The following WDFY2 variants were observed in gnomAD, a reference collection of about 807,000 sequenced individuals.
WDFY2 encodes the protein WD repeat and FYVE domain-containing protein 2.
WDFY2 carries 36 observed loss-of-function variants against 56.4 expected under a neutral mutation model. That is an observed-to-expected ratio of 0.64 (90% CI 0.49 to 0.84). The LOEUF is 0.84. Among genes scored for constraint, WDFY2 ranks in the 40% least tolerant of loss-of-function variants. The pLI is 0.00. For synonymous variants in WDFY2, 176 were observed against 183.7 expected (o/e 0.96, Z 0.34); for missense variants, 444 against 512.2 (o/e 0.87, Z 1.29).
rs79466045 is a variant in WDFY2, at chr13:51,648,444, G to A, written c.138-12152G>A. Among the ~76,000 whole-genome samples, 1,158 of 152,154 alleles carry A rather than the reference G, an allele frequency of 7.6e-3. 13 individuals are homozygous for A. Among genetic ancestry groups the A allele is most frequent in the African/African-American group, 0.026 (1,087 of 41,504 alleles). On this transcript the variant is annotated intron_variant, in intron 1 of 11. Transcript: ENST00000298125. The stretch of plus-strand genomic sequence containing the variant: ...TCACAAACAATGAGCACCACTTTTG[G>A]GCCTGATGTAGTGCTTGACCTTGGG...
At chr13:51,641,354 C>T (rs1212322746) in intron 1 of WDFY2, among the ~76,000 whole-genome samples, 1 of 150,676 alleles carries the variant, frequency 6.6e-6, no homozygotes, top group Non-Finnish European at 1.5e-5. Context: ...CAGGCGTGAG[C>T]CACCGCAGCC....
At position 51,707,844 on chromosome 13, in the gene WDFY2, T is replaced by C. The variant is rs529120768; in HGVS notation, c.334+4194T>C. On this transcript the variant is annotated intron_variant, in intron 4 of 11. Coordinates refer to ENST00000298125, the MANE Select transcript of WDFY2 (RefSeq NM_052950.4). ...GATCAGGAGAAATGGAAGTATACTA[T>C]TGTAGGTTCTAGAATGCTATACACA... 4.0e-5 allele frequency among the ~76,000 whole-genome samples: 6 copies of C among 151,746 alleles called. No homozygotes were observed. In the South Asian group the frequency reaches 1.2e-3, roughly 32 times the overall value.
In WDFY2 at chr13:51,705,674, G is replaced by A. The variant is rs114297444; in HGVS notation, c.334+2024G>A. Among the ~76,000 whole-genome samples, 1,394 of 151,900 alleles carry A rather than the reference G, an allele frequency of 9.2e-3. 18 individuals are homozygous for A. The highest frequency in any genetic ancestry group is 0.032 in the African/African-American group (1,317 of 41,440). ...GAGGCATGAAATACACAATAATCAC[G>A]TAAGGGTAGATGGGGTATCTGTCGC... On this transcript the variant is annotated intron_variant, in intron 4 of 11. Coordinates refer to ENST00000298125, the MANE Select transcript of WDFY2 (RefSeq NM_052950.4).
At chr13:51,680,097 C>T (rs1441332714) in intron 3 of WDFY2, among the ~76,000 whole-genome samples, 4 of 151,776 alleles carry the variant, frequency 2.6e-5, no homozygotes, top group South Asian at 2.1e-4. Context: ...GCTCATTTCA[C>T]GGATGTTTAT....
Position 51,756,237 on chromosome 13 carries a change from A to T in WDFY2, c.934-95A>T, listed in dbSNP as rs540748891. On this transcript the variant is annotated intron_variant, in intron 9 of 11. Transcript: ENST00000298125. Reference sequence around the variant, plus strand: ...TTGTTCAGCATCCTCACCTGGATGCAGTTGATTACACCTCTCTGCCAGGAG... The same window carrying T: ...TTGTTCAGCATCCTCACCTGGATGCTGTTGATTACACCTCTCTGCCAGGAG... 2,391 of 1,506,522 alleles carry T rather than the reference A, an allele frequency of 1.6e-3. 3 individuals carry two copies. Among genetic ancestry groups the T allele is most frequent in the Middle Eastern group, 3.1e-3 (15 of 4,864 alleles). 93.3% of individuals were successfully genotyped at this position (1,506,522 alleles called of 1,614,324 possible).
intron 4 of WDFY2, among the ~76,000 whole-genome samples, chr13:51,705,995 T>C (rs762659110): frequency 1.3e-5 from 2 of 152,230 alleles, no homozygotes; most frequent in Non-Finnish European, 2.9e-5. Flanking sequence ...TGCCATTTCC[T>C]ATGTCTTTGT....
At chr13:51,659,133 G>C (rs1281350287) in intron 1 of WDFY2, among the ~76,000 whole-genome samples, 1 of 151,986 alleles carries the variant, frequency 6.6e-6, no homozygotes, top group Non-Finnish European at 1.5e-5. Flanking sequence ...TGTCATGTTG[G>C]CCAGGCTGGT....
chr13:51,602,157 T>C (rs1954298136), intron 1 of WDFY2, among the ~76,000 whole-genome samples: 1 of 152,222 alleles, frequency 6.6e-6, no homozygotes, highest in African/African-American at 2.4e-5. Context: ...ATTAATGTGT[T>C]GCATAGCAAC....
At chr13:51,656,298 C>G (rs913538797) in intron 1 of WDFY2, among the ~76,000 whole-genome samples, 2 of 151,898 alleles carry the variant, frequency 1.3e-5, no homozygotes, top group Admixed American at 6.6e-5. Context: ...TTAGTAACTT[C>G]TTCCCCAGTT....
At chr13:51,705,234 C>G (rs960826306) in intron 4 of WDFY2, among the ~76,000 whole-genome samples, 1 of 152,164 alleles carries the variant, frequency 6.6e-6, no homozygotes, top group African/African-American at 2.4e-5. Context: ...AGCAGATTCT[C>G]CCCATCAAGG....
In WDFY2 at chr13:51,629,070, T is replaced by G. The variant is rs1954897504; in HGVS notation, c.138-31526T>G. Among the ~76,000 whole-genome samples the G allele has an allele frequency of 2.6e-5, 4 of 152,212 alleles. No homozygotes were observed. The South Asian group carries it at 8.3e-4, about 31-fold the overall frequency. On this transcript the variant is annotated intron_variant, in intron 1 of 11. Coordinates refer to ENST00000298125, the MANE Select transcript of WDFY2 (RefSeq NM_052950.4). ...ATTCTGAGACCCAGAGTTTTAGTTT[T>G]AAGCTATGGAGAAGACAGTCTTGGA...
chr13:51,659,541 A>T (rs373173653), intron 1 of WDFY2, among the ~76,000 whole-genome samples: 1 of 152,172 alleles, frequency 6.6e-6, no homozygotes, highest in African/African-American at 2.4e-5. Context: ...CCTTGCTGGC[A>T]TATGCTGATG....
intron 2 of WDFY2, among the ~76,000 whole-genome samples, chr13:51,672,353 CTG>C (rs1210026848): frequency 3.3e-5 from 5 of 152,008 alleles, no homozygotes; most frequent in Non-Finnish European, 7.4e-5. Flanking sequence ...GATCTGTTGA[CTG>C]TAAGTATTTG....
At chr13:51,621,270 C>A (rs936564036) in intron 1 of WDFY2, among the ~76,000 whole-genome samples, 4 of 152,102 alleles carry the variant, frequency 2.6e-5, no homozygotes, top group Non-Finnish European at 4.4e-5. Flanking sequence ...TTTGGGAGGC[C>A]GAGGAGGGCA....
At chr13:51,748,649 A>G (rs1194726602) in intron 7 of WDFY2, among the ~76,000 whole-genome samples, 1 of 151,982 alleles carries the variant, frequency 6.6e-6, no homozygotes, top group East Asian at 1.9e-4. Context: ...TAAGAGCATT[A>G]ATCAAGTCAA....
intron 1 of WDFY2, among the ~76,000 whole-genome samples, chr13:51,657,191 T>C (rs1457399553): frequency 6.6e-6 from 1 of 152,150 alleles, no homozygotes; most frequent in East Asian, 1.9e-4. Context: ...CTAGTGTACA[T>C]TAACTCTGCT....
chr13:51,596,531 T>C (rs935247180), intron 1 of WDFY2, among the ~76,000 whole-genome samples: 1 of 152,190 alleles, frequency 6.6e-6, no homozygotes, highest in Non-Finnish European at 1.5e-5. Context: ...TCAGAAAATA[T>C]GATTTAAATA....
chr13:51,597,837 T>C (rs1160016684), intron 1 of WDFY2, among the ~76,000 whole-genome samples: 1 of 152,254 alleles, frequency 6.6e-6, no homozygotes, highest in African/African-American at 2.4e-5. Flanking sequence ...AAATAGATAC[T>C]AGCATTTACA....
chr13:51,624,452 T>C (rs890693733), intron 1 of WDFY2, among the ~76,000 whole-genome samples: 2 of 152,220 alleles, frequency 1.3e-5, no homozygotes, highest in African/African-American at 4.8e-5. Context: ...AATTTTACTT[T>C]AATTCACCAT....
Sources: allele counts gnomAD v4.1 joint callset (sites outside exome capture counted in the v4.1 genomes callset), GRCh38; gene constraint gnomAD v4.1.1; transcripts MANE v1.5; gene names NCBI Gene and HGNC (gene_info 2026-07-23, HGNC 2026-07-21).